Variants in SCN9A observed in about 807,000 individuals in gnomAD.
SCN9A encodes sodium channel protein type 9 subunit alpha.
SCN9A carries 131 observed loss-of-function variants against 187.0 expected under a neutral mutation model. That is an observed-to-expected ratio of 0.70 (90% CI 0.61 to 0.81). The LOEUF (loss-of-function observed/expected upper bound fraction) is 0.81, where lower values mean the gene tolerates loss of function less well. Among genes scored for constraint, SCN9A ranks in the 30% least tolerant of loss-of-function variants. The pLI, the probability that SCN9A is intolerant of heterozygous loss-of-function variation, is 0.00. For synonymous variants in SCN9A, 809 were observed against 808.6 expected (o/e 1.00, Z -0.01); for missense variants, 2,252 against 2,396.6 (o/e 0.94, Z 1.26).
At chr2:166,367,270 T>G (rs1055639787) in intron 1 of SCN9A, among the ~76,000 whole-genome samples, 3 of 152,046 alleles carry the variant, frequency 2.0e-5, no homozygotes, top group Non-Finnish European at 2.9e-5. Flanking sequence ...ATTTTTTTAA[T>G]TTTTTTTCTT....
chr2:166,271,873 G>T (rs901912695), intron 17 of SCN9A, among the ~76,000 whole-genome samples: 3 of 151,140 alleles, frequency 2.0e-5, no homozygotes, highest in African/African-American at 7.3e-5. Flanking sequence ...TTAAAAAAAA[G>T]AAGAGAGAGA....
At chr2:166,304,879 C>G (rs2106524899) in intron 5 of SCN9A, among the ~76,000 whole-genome samples, 1 of 152,122 alleles carries the variant, frequency 6.6e-6, no homozygotes, top group Admixed American at 6.6e-5. Context: ...CTGAAAAACA[C>G]TGAATTGTAT....
In SCN9A at chr2:166,233,882, C is replaced by A. The variant is rs186713262; in HGVS notation, c.3802-420G>T. On this transcript the variant is annotated intron_variant, in intron 20 of 26. Coordinates refer to ENST00000642356, the MANE Select transcript of SCN9A (RefSeq NM_001365536.1). ...AAGTGTGGTATTCACTCAACTAAAT[C>A]TATGTCTTAGTATAAATCTTATTAA... Among the ~76,000 whole-genome samples, 679 of 152,206 alleles carry A rather than the reference C, an allele frequency of 4.5e-3. 4 individuals carry two copies. Among genetic ancestry groups the A allele is most frequent in the African/African-American group, 0.016 (657 of 41,542 alleles).
At chr2:166,359,944 G>A (rs182221863) in intron 1 of SCN9A, among the ~76,000 whole-genome samples, 253 of 151,486 alleles carry the variant, frequency 1.7e-3, no homozygotes, top group African/African-American at 5.9e-3. Flanking sequence ...AAAGTTTGCC[G>A]GGCGTGGTGG....
chr2:166,224,228 A>C (rs2106380057), intron 24 of SCN9A, among the ~76,000 whole-genome samples: 1 of 152,310 alleles, frequency 6.6e-6, no homozygotes, highest in African/African-American at 2.4e-5. Flanking sequence ...TATATATTAC[A>C]TGTATGTATA....
At chr2:166,274,757 GT>G (rs200977271) in intron 16 of SCN9A, among the ~76,000 whole-genome samples, 1 of 152,090 alleles carries the variant, frequency 6.6e-6, no homozygotes, top group African/African-American at 2.4e-5. Context: ...TATCCCCTCT[GT>G]TTTTTACTAT....
intron 9 of SCN9A, among the ~76,000 whole-genome samples, chr2:166,289,343 C>T (rs548701214): frequency 1.3e-5 from 2 of 151,786 alleles, no homozygotes; most frequent in African/African-American, 2.4e-5. Flanking sequence ...CTTTGCCCCC[C>T]ACCACCGACA....
chr2:166,284,428 C>G, intron 12 of SCN9A, 25 bp downstream of exon 12: 1 of 1,578,948 alleles, frequency 6.3e-7, no homozygotes, highest in Middle Eastern at 1.7e-4. Flanking sequence ...CCCAGCCATG[C>G]CTGAGCTATG....
chr2:166,352,672 G>T (rs981720224), intron 1 of SCN9A, among the ~76,000 whole-genome samples: 2 of 152,070 alleles, frequency 1.3e-5, no homozygotes, highest in Admixed American at 6.6e-5. Flanking sequence ...TAACATTGTG[G>T]GATATTCTTC....
intron 2 of SCN9A, among the ~76,000 whole-genome samples, chr2:166,308,644 C>T (rs540879571): frequency 3.9e-5 from 6 of 152,066 alleles, no homozygotes; most frequent in South Asian, 2.1e-4. Flanking sequence ...CTAATACGGC[C>T]GGGCGTGGTG....
chr2:166,297,861 A>C (rs987336229), intron 7 of SCN9A, among the ~76,000 whole-genome samples: 2 of 152,208 alleles, frequency 1.3e-5, no homozygotes, highest in East Asian at 3.8e-4. Context: ...TCACTAAAAT[A>C]CGTATGGGGA....
Position 166,280,379 on chromosome 2 carries a change from T to A in SCN9A, c.2321A>T (p.Asn774Ile). Reference protein sequence around the residue: ...EHHPMTEEFKNVLAIGNLVFT... With the variant: ...EHHPMTEEFKIVLAIGNLVFT... ...TACCAAATTTCCTATAGCAAGTACA[T>A]TTTTGAATTCCTCAGTCATTGGGTG... The change falls in exon 14 of 27, where the codon AAT (asparagine) becomes ATT (isoleucine). Residue 774 changes from asparagine (N) to isoleucine (I), a missense_variant. Physicochemically the swap from Asn to Ile is moderately radical, Grantham distance 149. This residue lies in a region of SCN9A where 1,013 missense variants were observed against 997.4 expected (regional missense o/e 1.02). Coordinates refer to ENST00000642356, the MANE Select transcript of SCN9A (RefSeq NM_001365536.1). 6 of 1,578,306 alleles carry A rather than the reference T, an allele frequency of 3.8e-6. No homozygotes were observed. In the South Asian group the frequency reaches 6.9e-5, roughly 18 times the overall value.
intron 17 of SCN9A, among the ~76,000 whole-genome samples, chr2:166,268,720 A>G (rs1353968883): frequency 2.0e-5 from 3 of 151,974 alleles, no homozygotes; most frequent in Non-Finnish European, 4.4e-5. Flanking sequence ...ATCTTATCAA[A>G]CAAATTTCCT....
chr2:166,338,226 C>G (rs895878063), intron 1 of SCN9A, among the ~76,000 whole-genome samples: 2 of 152,050 alleles, frequency 1.3e-5, no homozygotes, highest in Admixed American at 6.6e-5. Context: ...TCACATGAAC[C>G]CTTATCAATT....
chr2:166,265,623 T>G (rs1373540129), intron 17 of SCN9A, among the ~76,000 whole-genome samples: 1 of 151,972 alleles, frequency 6.6e-6, no homozygotes, highest in Non-Finnish European at 1.5e-5. Context: ...TATTTTTAAT[T>G]TTTTAAAGAA....
intron 24 of SCN9A, among the ~76,000 whole-genome samples, chr2:166,218,957 A>G (rs1358882231): frequency 6.6e-6 from 1 of 152,242 alleles, no homozygotes; most frequent in Non-Finnish European, 1.5e-5. Context: ...AAACAAGCAT[A>G]TGAAAAAAAG....
At chr2:166,278,116 A>C in intron 15 of SCN9A, 24 bp downstream of exon 15, 1 of 1,593,870 alleles carries the variant, frequency 6.3e-7, no homozygotes, top group Non-Finnish European at 8.6e-7. Context: ...ATAGAATATA[A>C]TGGCAACCTT....
At chr2:166,321,580 G>A (rs1699243894) in intron 1 of SCN9A, 3 of 151,486 alleles carry the variant, frequency 2.0e-5, no homozygotes, top group African/African-American at 7.3e-5. Context: ...TGAACTCCGA[G>A]TCTCTATTAT....
chr2:166,294,158 G>A (rs1181062657), intron 8 of SCN9A, among the ~76,000 whole-genome samples: 1 of 152,144 alleles, frequency 6.6e-6, no homozygotes, highest in African/African-American at 2.4e-5. Flanking sequence ...GTGTACCCAA[G>A]TCCAAGGAAT....
Sources: gnomAD v4.1 joint callset for allele counts (sites outside exome capture counted in the v4.1 genomes callset) on GRCh38, gnomAD v4.1.1 for gene constraint, gnomAD v4.1.1 regional missense constraint, MANE v1.5 for transcripts, NCBI Gene and HGNC (gene_info 2026-07-23, HGNC 2026-07-21) for gene names.